Variants in RBFOX1 observed in about 807,000 individuals in gnomAD.
RBFOX1 encodes the protein RNA binding protein fox-1 homolog 1.
RBFOX1 carries 8 observed loss-of-function variants against 57.7 expected under a neutral mutation model. The observed-to-expected ratio is 0.14, with a 90% CI of 0.08 to 0.25. The LOEUF (loss-of-function observed/expected upper bound fraction) is 0.25. RBFOX1 is among the 10% of genes least tolerant of loss of function. RBFOX1 has a pLI of 1.00. For missense variants in RBFOX1, 611 were observed against 548.5 expected, an observed-to-expected ratio of 1.11 and a Z score of -1.14; for synonymous variants, 326 against 222.4, an observed-to-expected ratio of 1.47 and a Z score of -4.15.
At position 5,377,134 on chromosome 16, in the gene RBFOX1, G is replaced by T. The variant is rs1014477560; in HGVS notation, c.220-90082G>T. Among the ~76,000 whole-genome samples, 8 of 151,786 alleles carry T rather than the reference G, an allele frequency of 5.3e-5. No individual in the cohort carries two copies. In the Middle Eastern group the frequency reaches 0.01, roughly 194 times the overall value. On this transcript the variant is annotated intron_variant, in intron 1 of 2. Coordinates refer to the RBFOX1 transcript ENST00000585867. ...CTTAGTCATGCAGTTGAAAGCACTG[G>T]TTGAGCACCTGCTGTATATCTGCCA...
chr16:6,680,294 T>TTTTTTTTTTTTTTTTTTTG (rs60731674), intron 3 of RBFOX1, among the ~76,000 whole-genome samples: 3 of 103,056 alleles, frequency 2.9e-5, no homozygotes, highest in African/African-American at 7.2e-5. Flanking sequence ...TTTTTTTTTT[T>TTTTTTTTTTTTTTTTTTTG]ATTTGTCGCC....
At chr16:5,847,678 G>T (rs1165863960) in intron 3 of RBFOX1, among the ~76,000 whole-genome samples, 1 of 152,068 alleles carries the variant, frequency 6.6e-6, no homozygotes, top group Non-Finnish European at 1.5e-5. Flanking sequence ...AGGCTGACTG[G>T]CTTAGCTTCT....
intron 4 of RBFOX1, among the ~76,000 whole-genome samples, chr16:5,984,120 T>G (rs1427194532): frequency 1.5e-4 from 1 of 6,816 alleles, no homozygotes; most frequent in Non-Finnish European, 2.4e-4. Flanking sequence ...CTCCTCTCCT[T>G]CCCCTCCCCC....
At chr16:7,569,178 A>T (rs1162373337) in intron 5 of RBFOX1, among the ~76,000 whole-genome samples, 1 of 152,130 alleles carries the variant, frequency 6.6e-6, no homozygotes, top group African/African-American at 2.4e-5. Flanking sequence ...TGAGCGTGCA[A>T]TAGTTTTCTT....
chr16:6,748,302 C>T (rs1004785755), intron 3 of RBFOX1, among the ~76,000 whole-genome samples: 1 of 151,960 alleles, frequency 6.6e-6, no homozygotes, highest in African/African-American at 2.4e-5. Flanking sequence ...CACGCAAATA[C>T]ATACACACAC....
chr16:7,165,974 A>ATACG (rs55716393), intron 4 of RBFOX1, among the ~76,000 whole-genome samples: 82,077 of 149,730 alleles, frequency 0.55, 22,945 homozygotes, highest in Admixed American at 0.61. Flanking sequence ...ACATACATAC[A>ATACG]TACACCCCAG....
At chr16:6,990,318 A>G (rs1049608478) in intron 3 of RBFOX1, among the ~76,000 whole-genome samples, 2 of 152,106 alleles carry the variant, frequency 1.3e-5, no homozygotes, top group South Asian at 4.1e-4. Context: ...TGAGGTCAGG[A>G]GTTCGAGACC....
intron 2 of RBFOX1, among the ~76,000 whole-genome samples, chr16:6,570,387 T>A (rs1299816383): frequency 6.6e-6 from 1 of 152,168 alleles, no homozygotes; most frequent in Non-Finnish European, 1.5e-5. Flanking sequence ...AAATCGAGAA[T>A]TTTTTATATG....
intron 1 of RBFOX1, among the ~76,000 whole-genome samples, chr16:6,250,082 C>T (rs1174845824): frequency 6.6e-6 from 1 of 152,138 alleles, no homozygotes; most frequent in Non-Finnish European, 1.5e-5. Flanking sequence ...AGGGTGAGAA[C>T]AGCCCCTTGC....
intron 3 of RBFOX1, among the ~76,000 whole-genome samples, chr16:6,735,556 C>T (rs183943860): frequency 2.0e-5 from 3 of 152,288 alleles, no homozygotes; most frequent in East Asian, 3.9e-4. Context: ...TATTTCTCGT[C>T]CCCATGGATG....
At chr16:5,431,716 C>T (rs757969880) in intron 1 of RBFOX1, among the ~76,000 whole-genome samples, 31 of 152,132 alleles carry the variant, frequency 2.0e-4, no homozygotes, top group Non-Finnish European at 4.3e-4. Flanking sequence ...GATTGTCTTG[C>T]GGGACTACCC....
intron 1 of RBFOX1, among the ~76,000 whole-genome samples, chr16:5,321,513 G>T (rs1211585963): frequency 6.6e-6 from 1 of 152,050 alleles, no homozygotes; most frequent in Non-Finnish European, 1.5e-5. Context: ...GTAGAGACGG[G>T]TTTTCACTGT....
At chr16:7,578,183 C>G (rs976757740) in intron 5 of RBFOX1, among the ~76,000 whole-genome samples, 5 of 152,184 alleles carry the variant, frequency 3.3e-5, no homozygotes, top group African/African-American at 9.7e-5. Context: ...ATACCAGGAA[C>G]TTGGCCAAGT....
intron 4 of RBFOX1, among the ~76,000 whole-genome samples, chr16:7,249,498 T>G (rs2094432670): frequency 6.6e-6 from 1 of 152,134 alleles, no homozygotes; most frequent in South Asian, 2.1e-4. Context: ...TCTCTGTCTT[T>G]CTCTCTGACT....
chr16:7,346,343 C>G (rs1033925259), intron 4 of RBFOX1, among the ~76,000 whole-genome samples: 2 of 151,548 alleles, frequency 1.3e-5, no homozygotes, highest in African/African-American at 2.4e-5. Flanking sequence ...GAGGAGCATT[C>G]TACCCAAGAG....
downstream of RBFOX1, among the ~76,000 whole-genome samples, chr16:5,601,922 A>G (rs984950230): frequency 4.6e-5 from 7 of 152,146 alleles, no homozygotes; most frequent in African/African-American, 1.4e-4. Flanking sequence ...CTGGCCCCCA[A>G]CCTCACTCAT....
chr16:6,091,320 C>T (rs946135169), intron 1 of RBFOX1, among the ~76,000 whole-genome samples: 7 of 152,258 alleles, frequency 4.6e-5, no homozygotes, highest in South Asian at 4.1e-4. Flanking sequence ...AAAGCTATTT[C>T]GTCAGAAGAA....
At chr16:7,050,563 G>A (rs573616488) in intron 3 of RBFOX1, among the ~76,000 whole-genome samples, 1 of 152,158 alleles carries the variant, frequency 6.6e-6, no homozygotes, top group African/African-American at 2.4e-5. Context: ...ACCGTGCCTG[G>A]CCTTCCTTCA....
At chr16:6,884,276 A>C (rs544633783) in intron 3 of RBFOX1, among the ~76,000 whole-genome samples, 3 of 152,060 alleles carry the variant, frequency 2.0e-5, no homozygotes, top group Non-Finnish European at 4.4e-5. Context: ...CAGCTTTCCA[A>C]ACTCTGGGTA....
Sources: allele counts gnomAD v4.1 joint callset (sites outside exome capture counted in the v4.1 genomes callset), GRCh38; gene constraint gnomAD v4.1.1; transcripts MANE v1.5; gene names NCBI Gene and HGNC (gene_info 2026-07-23, HGNC 2026-07-21).